The following GUCY1A2 variants were observed in gnomAD, a reference collection of about 807,000 sequenced individuals.
GUCY1A2 encodes the protein guanylate cyclase soluble subunit alpha-2.
GUCY1A2 carries 27 observed loss-of-function variants against 63.5 expected under a neutral mutation model. The ratio of observed to expected loss-of-function variants is 0.43; its 90% confidence interval spans 0.31 to 0.59. The LOEUF (loss-of-function observed/expected upper bound fraction) is 0.59. GUCY1A2 is among the 20% of genes least tolerant of loss of function. The pLI is 0.11. For missense variants in GUCY1A2, 768 were observed against 913.3 expected, an observed-to-expected ratio of 0.84 and a Z score of 2.05; for synonymous variants, 364 against 343.5, an observed-to-expected ratio of 1.06 and a Z score of -0.66.
At chr11:106,781,875 C>CTTGT in intron 5 of GUCY1A2, among the ~76,000 whole-genome samples, 1 of 152,166 alleles carries the variant, frequency 6.6e-6, no homozygotes, top group Admixed American at 6.5e-5. Context: ...TCCCATTTAC[C>CTTGT]TTGTTTGTTT....
At chr11:106,742,317 CT>C (rs1863708738) in intron 6 of GUCY1A2, among the ~76,000 whole-genome samples, 1 of 152,150 alleles carries the variant, frequency 6.6e-6, no homozygotes, top group Admixed American at 6.5e-5. Flanking sequence ...ATTAGCTATT[CT>C]TCCTGATGCT....
chr11:106,866,270 G>A (rs1249488031), intron 4 of GUCY1A2, among the ~76,000 whole-genome samples: 3 of 151,890 alleles, frequency 2.0e-5, no homozygotes, highest in Non-Finnish European at 4.4e-5. Flanking sequence ...AGAAGGAAGG[G>A]AGGACAGGAG....
chr11:106,737,746 G>T (rs1043420532), intron 6 of GUCY1A2, among the ~76,000 whole-genome samples: 7 of 152,162 alleles, frequency 4.6e-5, no homozygotes, highest in African/African-American at 1.7e-4. Flanking sequence ...TTTTATGGTT[G>T]CATAGTATTC....
intron 7 of GUCY1A2, among the ~76,000 whole-genome samples, chr11:106,699,224 A>G (rs1862775000): frequency 6.6e-6 from 1 of 152,216 alleles, no homozygotes; most frequent in Non-Finnish European, 1.5e-5. Flanking sequence ...TTAATTACAA[A>G]ATAAATATTG....
At position 106,944,215 on chromosome 11, in the gene GUCY1A2, C is replaced by CAAAAAAAAAAAAAAAAAAAAAAAAAA. The variant is rs71041701; in HGVS notation, c.488-4038_488-4037insTTTTTTTTTTTTTTTTTTTTTTTTTT. Among the ~76,000 whole-genome samples, 13 of 21,572 alleles carry CAAAAAAAAAAAAAAAAAAAAAAAAAA rather than the reference C, an allele frequency of 6.0e-4. 2 individuals are homozygous for CAAAAAAAAAAAAAAAAAAAAAAAAAA. Among genetic ancestry groups the CAAAAAAAAAAAAAAAAAAAAAAAAAA allele is most frequent in the African/African-American group, 1.6e-3 (7 of 4,300 alleles). 14.2% of individuals were successfully genotyped at this position (21,572 alleles called of 152,430 possible). A position where few individuals can be genotyped will look rare whatever the true frequency, so the allele number is the denominator to read the frequency against. The stretch of plus-strand genomic sequence containing the variant: ...GGGCAACAGAGTGAGACCCTGTCTC[C>CAAAAAAAAAAAAAAAAAAAAAAAAAA]AAAAAAAAAAAAAAAAAAAAAGCAG... On this transcript the variant is annotated intron_variant, in intron 3 of 7. Transcript: ENST00000526355.
intron 4 of GUCY1A2, among the ~76,000 whole-genome samples, chr11:106,885,318 G>A (rs1859883452): frequency 6.6e-6 from 1 of 152,154 alleles, no homozygotes; most frequent in African/African-American, 2.4e-5. Context: ...CATGATTGAT[G>A]AGTAAATTTA....
chr11:106,838,172 A>G (rs937688534), intron 4 of GUCY1A2, among the ~76,000 whole-genome samples: 2 of 151,980 alleles, frequency 1.3e-5, no homozygotes, highest in African/African-American at 4.8e-5. Context: ...TCTCAGATGT[A>G]GAATGGCTTT....
intron 3 of GUCY1A2, among the ~76,000 whole-genome samples, chr11:106,974,991 T>C (rs954776267): frequency 1.3e-5 from 2 of 152,168 alleles, no homozygotes; most frequent in Admixed American, 6.5e-5. Context: ...TCTAAACTAC[T>C]GTGGGAAGTC....
Position 106,836,232 on chromosome 11 carries a change from G to A in GUCY1A2, c.1207-25754C>T, listed in dbSNP as rs201506923. 2.6e-5 allele frequency among the ~76,000 whole-genome samples: 4 copies of A among 151,982 alleles called. No individual in the cohort carries two copies. The East Asian group carries it at 7.8e-4, about 30-fold the overall frequency. On this transcript the variant is annotated intron_variant, in intron 4 of 7. Coordinates refer to ENST00000526355, the MANE Select transcript of GUCY1A2 (RefSeq NM_000855.3). Reference sequence around the variant, plus strand: ...CTCCCCTGAAACCTAACTACTAATAGCCTACTGCTGACCAGAAGCTGTACC... The same window carrying A: ...CTCCCCTGAAACCTAACTACTAATAACCTACTGCTGACCAGAAGCTGTACC...
chr11:106,898,374 T>G (rs996347893), intron 4 of GUCY1A2, among the ~76,000 whole-genome samples: 3 of 152,206 alleles, frequency 2.0e-5, no homozygotes, highest in Non-Finnish European at 4.4e-5. Context: ...AAAACATGTA[T>G]GCACACAAAA....
At chr11:106,904,383 T>C (rs1256132797) in intron 4 of GUCY1A2, among the ~76,000 whole-genome samples, 6 of 152,130 alleles carry the variant, frequency 3.9e-5, no homozygotes, top group African/African-American at 1.4e-4. Context: ...CAATATTCCA[T>C]TACATTGATT....
chr11:106,866,835 C>T (rs10890616), intron 4 of GUCY1A2, among the ~76,000 whole-genome samples: 57,111 of 151,750 alleles, frequency 0.38, 11,075 homozygotes, highest in Middle Eastern at 0.43. Flanking sequence ...GAGGATCTTA[C>T]CTTATAGCAA....
In GUCY1A2 at chr11:106,826,757, T is replaced by C; in HGVS notation, c.1207-16279A>G. On this transcript the variant is annotated intron_variant, in intron 4 of 7. Coordinates refer to ENST00000526355, the MANE Select transcript of GUCY1A2 (RefSeq NM_000855.3). ...TTTGCTGCATACCATCCCATCTGTC[T>C]AGCCTGGGTCCACAGCCTCATCTGC... 4.3e-6 allele frequency: 7 copies of C among 1,610,986 alleles called. No individual in the cohort carries two copies. In the South Asian group the frequency reaches 5.5e-5, roughly 13 times the overall value.
chr11:106,868,421 A>G (rs1446918880), intron 4 of GUCY1A2, among the ~76,000 whole-genome samples: 2 of 152,128 alleles, frequency 1.3e-5, no homozygotes, highest in African/African-American at 2.4e-5. Flanking sequence ...CAGGATACAA[A>G]ATCAATGTGC....
intron 7 of GUCY1A2, among the ~76,000 whole-genome samples, chr11:106,691,945 G>C (rs1862632325): frequency 6.6e-6 from 1 of 152,098 alleles, no homozygotes; most frequent in East Asian, 1.9e-4. Flanking sequence ...ATGACTTACT[G>C]GGGGGTTTGT....
At chr11:106,968,336 T>C (rs1182251395) in intron 3 of GUCY1A2, among the ~76,000 whole-genome samples, 4 of 152,218 alleles carry the variant, frequency 2.6e-5, no homozygotes, top group South Asian at 2.1e-4. Flanking sequence ...GAGTCTAGCA[T>C]AGACATAAGC....
chr11:106,880,848 T>C (rs747375954), intron 4 of GUCY1A2, among the ~76,000 whole-genome samples: 4 of 152,064 alleles, frequency 2.6e-5, no homozygotes, highest in Non-Finnish European at 5.9e-5. Context: ...GTTGTGATTG[T>C]TTGTTTTGGT....
rs575623152 is a variant in GUCY1A2, at chr11:106,992,474, C to G, written c.304-6343G>C. Among the ~76,000 whole-genome samples the G allele has an allele frequency of 6.6e-4, 101 of 151,942 alleles. 1 individual carries two copies. In the South Asian group the frequency reaches 0.021, roughly 32 times the overall value. The stretch of plus-strand genomic sequence containing the variant: ...TCTCCCAAGTAGCTGGGACTACAGG[C>G]ACCCGCCTCCATGCCCGGCTAATTT... On this transcript the variant is annotated intron_variant, in intron 1 of 7. Coordinates refer to ENST00000526355, the MANE Select transcript of GUCY1A2 (RefSeq NM_000855.3).
intron 4 of GUCY1A2, among the ~76,000 whole-genome samples, chr11:106,912,028 C>T (rs1452950195): frequency 3.3e-5 from 5 of 151,922 alleles, no homozygotes; most frequent in Non-Finnish European, 7.4e-5. Flanking sequence ...TCCAAAACTG[C>T]AGGAAATCTG....
Sources: allele counts gnomAD v4.1 joint callset (sites outside exome capture counted in the v4.1 genomes callset), GRCh38; gene constraint gnomAD v4.1.1; transcripts MANE v1.5; gene names NCBI Gene and HGNC (gene_info 2026-07-23, HGNC 2026-07-21).